The following TENM3 variants were observed in gnomAD, a reference collection of about 807,000 sequenced individuals.
TENM3 encodes the protein teneurin transmembrane protein 3.
Under a neutral mutation model 255.1 loss-of-function variants are expected in TENM3, and 63 were observed. The ratio of observed to expected loss-of-function variants is 0.25; its 90% CI spans 0.20 to 0.30. The LOEUF (loss-of-function observed/expected upper bound fraction) is 0.30. Among genes scored for constraint, TENM3 ranks in the 10% least tolerant of loss-of-function variants. The pLI is 1.00. For synonymous variants in TENM3, 1,306 were observed against 1,322.3 expected, an observed-to-expected ratio of 0.99 and a Z score of 0.27; for missense variants, 2,929 against 3,461.1, an observed-to-expected ratio of 0.85 and a Z score of 3.86.
At chr4:182,608,145 C>T (rs936499531) in intron 4 of TENM3, among the ~76,000 whole-genome samples, 37 of 152,298 alleles carry the variant, frequency 2.4e-4, no homozygotes, top group African/African-American at 8.7e-4. Context: ...TGTATTTGTA[C>T]ATAAGTATGC....
intron 3 of TENM3, among the ~76,000 whole-genome samples, chr4:182,573,730 T>C (rs1333328698): frequency 6.6e-6 from 1 of 152,208 alleles, no homozygotes; most frequent in Non-Finnish European, 1.5e-5. Context: ...TATATCAGAA[T>C]TGAATTGTGC....
chr4:181,477,325 T>A, the TENM3 span, among the ~76,000 whole-genome samples: 1 of 152,196 alleles, frequency 6.6e-6, no homozygotes, highest in African/African-American at 2.4e-5. Context: ...GTAATTTTCA[T>A]ACTTGCATTA....
the TENM3 span, among the ~76,000 whole-genome samples, chr4:181,584,305 C>T: frequency 3.9e-5 from 6 of 152,016 alleles, no homozygotes; most frequent in East Asian, 1.9e-4. Context: ...TTTTCGGAAA[C>T]GGGTATAAAC....
chr4:181,642,086 CA>C, the TENM3 span, among the ~76,000 whole-genome samples: 1,576 of 151,872 alleles, frequency 0.01, 29 homozygotes, highest in African/African-American at 0.036. Flanking sequence ...ACACTCCCAC[CA>C]ACAGTGTAAA....
intron 5 of TENM3, among the ~76,000 whole-genome samples, chr4:182,640,940 T>G (rs1378838999): frequency 6.6e-6 from 1 of 152,170 alleles, no homozygotes. Flanking sequence ...GAGACTGATG[T>G]CCTCTGTCCA....
At chr4:182,212,412 G>A (rs909248204) in intron 1 of TENM3, among the ~76,000 whole-genome samples, 7 of 152,190 alleles carry the variant, frequency 4.6e-5, no homozygotes, top group Non-Finnish European at 8.8e-5. Context: ...CGCGCCTGGA[G>A]TCTCTGCAGG....
chr4:181,986,419 T>G, the TENM3 span, among the ~76,000 whole-genome samples: 1 of 152,040 alleles, frequency 6.6e-6, no homozygotes, highest in Non-Finnish European at 1.5e-5. Context: ...GTGTTCTGGC[T>G]CTGCTCTGTT....
At chr4:182,641,189 C>T (rs138920209) in intron 5 of TENM3, among the ~76,000 whole-genome samples, 1 of 152,328 alleles carries the variant, frequency 6.6e-6, no homozygotes, top group East Asian at 1.9e-4. Context: ...TTGACATACA[C>T]GTGCACCTGT....
chr4:182,541,902 T>TAAA (rs1018511505), intron 3 of TENM3, among the ~76,000 whole-genome samples: 1 of 146,136 alleles, frequency 6.8e-6, no homozygotes, highest in African/African-American at 2.5e-5. Flanking sequence ...CTACAAAACT[T>TAAA]AAAAAAAAAA....
chr4:182,679,010 G>A (rs1422275692), intron 7 of TENM3, among the ~76,000 whole-genome samples: 3 of 152,134 alleles, frequency 2.0e-5, no homozygotes, highest in Admixed American at 1.3e-4. Flanking sequence ...GAGTTGAACA[G>A]TGAGGACACA....
rs543512643 is a variant in TENM3 at position 182,760,272 on chromosome 4, C to T, written c.4892+5013C>T. Among the ~76,000 whole-genome samples, 28 of 152,280 alleles carry T rather than the reference C, an allele frequency of 1.8e-4. 2 individuals are homozygous for T. The South Asian group carries it at 4.6e-3, about 25-fold the overall frequency. On this transcript the variant is annotated intron_variant, in intron 22 of 27. Transcript: ENST00000511685. ...TCCAAGGAAACCAAAAAGATCTCAC[C>T]TGCTAAATATTTATTATTTAAAAAG...
At chr4:182,627,780 C>T (rs1750965465) in intron 4 of TENM3, among the ~76,000 whole-genome samples, 1 of 152,064 alleles carries the variant, frequency 6.6e-6, no homozygotes, top group African/African-American at 2.4e-5. Flanking sequence ...AGTTACCTTT[C>T]CTGAAGAATT....
At chr4:182,659,826 A>G (rs1308923818) in intron 6 of TENM3, among the ~76,000 whole-genome samples, 1 of 152,182 alleles carries the variant, frequency 6.6e-6, no homozygotes, top group African/African-American at 2.4e-5. Flanking sequence ...ATGACTTACA[A>G]GGCTCTCCAC....
chr4:182,466,751 C>A (rs555497179), intron 3 of TENM3, among the ~76,000 whole-genome samples: 2 of 151,958 alleles, frequency 1.3e-5, no homozygotes, highest in Non-Finnish European at 2.9e-5. Context: ...GGTCACATTC[C>A]GAGCTTCTTG....
the TENM3 span, among the ~76,000 whole-genome samples, chr4:181,901,847 T>A: frequency 6.6e-6 from 1 of 152,316 alleles, no homozygotes; most frequent in Admixed American, 6.5e-5. Context: ...TAAAGTTTTA[T>A]GTTTTTATCA....
At chr4:182,235,007 C>G (rs1210633192) in intron 1 of TENM3, among the ~76,000 whole-genome samples, 2 of 151,986 alleles carry the variant, frequency 1.3e-5, no homozygotes, top group African/African-American at 4.8e-5. Context: ...TCACTGTCAT[C>G]AAAGCTGAGT....
the TENM3 span, among the ~76,000 whole-genome samples, chr4:181,977,155 G>C: frequency 3.1e-4 from 47 of 152,208 alleles, 1 homozygote; most frequent in East Asian, 2.3e-3. Flanking sequence ...AAAGTACTTT[G>C]CCTCTCTGTG....
chr4:181,643,112 C>T, the TENM3 span, among the ~76,000 whole-genome samples: 2 of 152,136 alleles, frequency 1.3e-5, no homozygotes, highest in South Asian at 4.1e-4. Flanking sequence ...GCCATTTTCA[C>T]GATATTGATT....
intron 3 of TENM3, among the ~76,000 whole-genome samples, chr4:182,356,152 T>G (rs1054107222): frequency 6.6e-6 from 1 of 151,542 alleles, no homozygotes; most frequent in African/African-American, 2.4e-5. Flanking sequence ...ACCCAAAAGA[T>G]TAATTGACAA....
Sources: gnomAD v4.1 joint callset for allele counts (sites outside exome capture counted in the v4.1 genomes callset) on GRCh38, gnomAD v4.1.1 for gene constraint, MANE v1.5 for transcripts, NCBI Gene and HGNC (gene_info 2026-07-23, HGNC 2026-07-21) for gene names.